NOX4: variants seen among roughly 807,000 people sequenced by gnomAD.
The protein encoded by NOX4 is kidney oxidase-1.
A neutral mutation model predicts 87.6 loss-of-function variants in NOX4; 69 were observed. The ratio of observed to expected loss-of-function variants is 0.79; its 90% confidence interval spans 0.65 to 0.96. NOX4 has a LOEUF of 0.96. NOX4 is among the 40% of genes least tolerant of loss of function. The pLI, the probability that NOX4 is intolerant of heterozygous loss-of-function variation, is 0.00. For missense variants in NOX4, 680 were observed against 681.5 expected (o/e 1.00, Z 0.02); for synonymous variants, 275 against 238.2 (o/e 1.15, Z -1.42).
At chr11:89,553,663 A>G in the NOX4 span, among the ~76,000 whole-genome samples, 1 of 152,188 alleles carries the variant, frequency 6.6e-6, no homozygotes, top group Non-Finnish European at 1.5e-5. Flanking sequence ...ATGTGAGCAT[A>G]TCACAGGCAA....
chr11:89,453,609 C>G (rs544310691), intron 2 of NOX4, among the ~76,000 whole-genome samples: 1 of 152,264 alleles, frequency 6.6e-6, no homozygotes, highest in African/African-American at 2.4e-5. Flanking sequence ...TTACTATTAG[C>G]CACACATAGT....
intron 8 of NOX4, among the ~76,000 whole-genome samples, chr11:89,404,663 C>T (rs1280806869): frequency 2.0e-5 from 3 of 152,054 alleles, no homozygotes; most frequent in South Asian, 2.1e-4. Context: ...CAGTGTCACA[C>T]AGTTGATAAG....
At chr11:89,346,978 T>C (rs1387539366) in intron 13 of NOX4, among the ~76,000 whole-genome samples, 2 of 152,164 alleles carry the variant, frequency 1.3e-5, no homozygotes, top group Non-Finnish European at 2.9e-5. Context: ...TAGGCATTCT[T>C]ATAACTACAT....
chr11:89,382,208 C>A (rs149528908), intron 11 of NOX4, among the ~76,000 whole-genome samples: 1 of 151,948 alleles, frequency 6.6e-6, no homozygotes, highest in Admixed American at 6.6e-5. Flanking sequence ...TCTGGGCTTG[C>A]CTTCTTCACT....
intron 13 of NOX4, among the ~76,000 whole-genome samples, chr11:89,346,697 C>T (rs1946229574): frequency 6.6e-6 from 1 of 152,150 alleles, no homozygotes; most frequent in Non-Finnish European, 1.5e-5. Context: ...TATCCTTCAA[C>T]CAATTCTTAT....
chr11:89,567,644 AACTC>A, the NOX4 span, among the ~76,000 whole-genome samples: 2 of 152,104 alleles, frequency 1.3e-5, no homozygotes, highest in Non-Finnish European at 2.9e-5. Flanking sequence ...ATCTCATGAG[AACTC>A]ACTCACTATC....
chr11:89,406,017 G>A lies in NOX4; in HGVS notation c.630-3475C>T, dbSNP rs1294507617. Among the ~76,000 whole-genome samples, 11 of 152,090 alleles carry A rather than the reference G, an allele frequency of 7.2e-5. No homozygotes were observed. The East Asian group carries it at 7.7e-4, about 11-fold the overall frequency. The stretch of plus-strand genomic sequence containing the variant: ...TTTATATGGCTATAGACTTAGAAAC[G>A]GAGGGAGCATGTTTTATCAAACCAA... On this transcript the variant is annotated intron_variant, in intron 8 of 17. Coordinates refer to ENST00000263317, the MANE Select transcript of NOX4 (RefSeq NM_016931.5).
intron 12 of NOX4, among the ~76,000 whole-genome samples, chr11:89,366,902 A>G (rs1939043294): frequency 6.6e-6 from 1 of 152,104 alleles, no homozygotes; most frequent in African/African-American, 2.4e-5. Context: ...GCATATATTT[A>G]ACGTTCATAA....
chr11:89,438,771 A>AAT (rs1349153374), intron 6 of NOX4, among the ~76,000 whole-genome samples: 2 of 67,132 alleles, frequency 3.0e-5, no homozygotes, highest in African/African-American at 1.4e-4. Context: ...AATATAATAT[A>AAT]ATAATATAAT....
At chr11:89,558,266 T>C in the NOX4 span, among the ~76,000 whole-genome samples, 2 of 152,170 alleles carry the variant, frequency 1.3e-5, no homozygotes, top group Non-Finnish European at 2.9e-5. Flanking sequence ...GTCTCCTTTC[T>C]CCAACATGTT....
At position 89,342,278 on chromosome 11, in the gene NOX4, C is replaced by A. The variant is rs1235251164; in HGVS notation, c.1218-85G>T. 1.4e-5 allele frequency: 17 copies of A among 1,242,034 alleles called. No individual in the cohort carries two copies. In the East Asian group the frequency reaches 4.2e-4, roughly 31 times the overall value. 76.9% of individuals were successfully genotyped at this position (1,242,034 alleles called of 1,614,324 possible). ...TACCATATAGCAAACATGCTGAATGCAATCTCTAGATTTTGTGATGGGTCA... is the reference window on the plus strand; with the variant it reads ...TACCATATAGCAAACATGCTGAATGAAATCTCTAGATTTTGTGATGGGTCA... On this transcript the variant is annotated intron_variant, in intron 13 of 17. Transcript: ENST00000263317.
chr11:89,489,401 GC>G (rs1946759479), intron 2 of NOX4, among the ~76,000 whole-genome samples: 1 of 152,012 alleles, frequency 6.6e-6, no homozygotes, highest in African/African-American at 2.4e-5. Context: ...CTAAGTTTTT[GC>G]AGGGTTTTAC....
At chr11:89,493,936 G>A (rs1039189601), upstream of NOX4, among the ~76,000 whole-genome samples, 5 of 151,948 alleles carry the variant, frequency 3.3e-5, no homozygotes, top group African/African-American at 1.2e-4. Flanking sequence ...TGTATTTTTA[G>A]TAGAGACGGG....
intron 12 of NOX4, among the ~76,000 whole-genome samples, chr11:89,365,515 C>T (rs1328346467): frequency 6.6e-6 from 1 of 151,386 alleles, no homozygotes; most frequent in Non-Finnish European, 1.5e-5. Flanking sequence ...TGGGTAAACA[C>T]ATTATTGCTA....
chr11:89,514,679 T>A, the NOX4 span, among the ~76,000 whole-genome samples: 1,059 of 152,028 alleles, frequency 7.0e-3, 10 homozygotes, highest in South Asian at 0.019. Context: ...TGTTTTATCA[T>A]GAAGGGGTAT....
intron 2 of NOX4, among the ~76,000 whole-genome samples, chr11:89,487,264 C>G (rs1416773644): frequency 6.6e-6 from 1 of 152,114 alleles, no homozygotes; most frequent in African/African-American, 2.4e-5. Context: ...AGAACAGTTT[C>G]CCAGCTTAAA....
intron 13 of NOX4, among the ~76,000 whole-genome samples, chr11:89,348,680 G>A (rs1248313242): frequency 6.6e-6 from 1 of 152,144 alleles, no homozygotes; most frequent in African/African-American, 2.4e-5. Context: ...CCAAGTGTAT[G>A]TGTGCTTGCA....
chr11:89,461,504 G>T (rs903007329), intron 2 of NOX4, among the ~76,000 whole-genome samples: 7 of 151,636 alleles, frequency 4.6e-5, no homozygotes, highest in African/African-American at 1.5e-4. Flanking sequence ...AATTGACCGG[G>T]TGTGGTGATG....
chr11:89,472,011 G>C (rs1945965636), intron 2 of NOX4, among the ~76,000 whole-genome samples: 1 of 152,116 alleles, frequency 6.6e-6, no homozygotes, highest in African/African-American at 2.4e-5. Flanking sequence ...CTAAGTTCTG[G>C]GTTTACAGGC....
Sources: allele counts gnomAD v4.1 joint callset (sites outside exome capture counted in the v4.1 genomes callset), GRCh38; gene constraint gnomAD v4.1.1; transcripts MANE v1.5; gene names NCBI Gene and HGNC (gene_info 2026-07-23, HGNC 2026-07-21).